The following CXCL2 variants were observed in gnomAD, a reference collection of about 807,000 sequenced individuals.
CXCL2 encodes the protein C-X-C motif chemokine 2.
In CXCL2, 12 loss-of-function variants were observed where a neutral mutation model predicts 11.2. That is an observed-to-expected ratio of 1.08 (90% CI 0.69 to 1.74). The LOEUF (loss-of-function observed/expected upper bound fraction) is 1.74. CXCL2 is among the 40% of genes most tolerant of loss of function. The probability of loss-of-function intolerance (pLI) is 0.00; values close to 1 mark genes in which losing one functional copy is unlikely to be tolerated. For missense variants in CXCL2, 120 were observed against 137.8 expected (o/e 0.87, Z 0.65); for synonymous variants, 68 against 61.9 (o/e 1.10, Z -0.47).
Position 74,098,825 on chromosome 4 carries a change from T to G in CXCL2, c.198A>C (p.Gly66=). The change falls in exon 2 of 4, where the codon GGA becomes GGC. Residue 66 remains glycine, a synonymous_variant. Transcript: ENST00000508487. ...TGACTTCGGTTTGGGCGCAGTGGGGTCCGGGGGACTTCACCTTCACACTTT... is the reference window on the plus strand; with the variant it reads ...TGACTTCGGTTTGGGCGCAGTGGGGGCCGGGGGACTTCACCTTCACACTTT... The part of the protein sequence containing the change: ...NIQSVKVKSP[G]PHCAQTEVIA... 6.2e-7 allele frequency: 1 copy of G among 1,613,964 alleles called. No individual in the cohort carries two copies. Among genetic ancestry groups the G allele is most frequent in the Non-Finnish European group, 8.5e-7 (1 of 1,179,980 alleles).
chr4:74,097,724 C>G lies in CXCL2; in HGVS notation c.*32G>C, dbSNP rs1721310447. On this transcript the variant is annotated 3_prime_UTR_variant, in exon 4 of 4. Coordinates refer to ENST00000508487, the MANE Select transcript of CXCL2 (RefSeq NM_002089.4). ...GTAAGGGCAGGGCCTCCTTCAGGAA[C>G]AGCCACCAATAAGCTTCCTCCTTCC... 1 of 1,592,822 alleles carries G rather than the reference C, an allele frequency of 6.3e-7. No individual in the cohort carries two copies.
At position 74,097,920 on chromosome 4, in the gene CXCL2, G is replaced by A. The variant is rs545653854; in HGVS notation, c.309-149C>T. 17 of 761,368 alleles carry A rather than the reference G, an allele frequency of 2.2e-5. No individual in the cohort carries two copies. In the South Asian group the frequency reaches 5.6e-4, roughly 25 times the overall value. The allele number at this position is 761,368 out of a possible 1,614,324, so 47.2% of individuals were successfully genotyped here. Reference sequence around the variant, plus strand: ...CAAGTGGGTACTGCCTGTGACAGCTGTGCTGTGTGGCAAGGACCTCTAGGC... The same window carrying A: ...CAAGTGGGTACTGCCTGTGACAGCTATGCTGTGTGGCAAGGACCTCTAGGC... On this transcript the variant is annotated intron_variant, in intron 3 of 3. Coordinates refer to ENST00000508487, the MANE Select transcript of CXCL2 (RefSeq NM_002089.4).
intron 3 of CXCL2, 69 bp downstream of exon 3, chr4:74,098,532 T>G (rs1721328526): frequency 1.3e-6 from 2 of 1,512,122 alleles, no homozygotes; most frequent in South Asian, 2.3e-5. Flanking sequence ...ATTTACTTTT[T>G]AGGGGGCAGA....
rs1484829074 is a variant in CXCL2 at position 74,098,798 on chromosome 4, C to T, written c.224+1G>A. Reference sequence around the variant, plus strand: ...CAGCGGCAGCGATGGGCGAGACTTACATGACTTCGGTTTGGGCGCAGTGGG... The same window carrying T: ...CAGCGGCAGCGATGGGCGAGACTTATATGACTTCGGTTTGGGCGCAGTGGG... On this transcript the variant is annotated splice_donor_variant, in intron 2 of 3. Coordinates refer to ENST00000508487, the MANE Select transcript of CXCL2 (RefSeq NM_002089.4). LOFTEE classifies it high-confidence loss of function. 2 of 1,614,028 alleles carry T rather than the reference C, an allele frequency of 1.2e-6. No homozygotes were observed. The highest frequency in any genetic ancestry group is 2.2e-5 in the South Asian group (2 of 91,062).
At chr4:74,097,913 G>T in intron 3 of CXCL2, 142 bp from the exon 4 acceptor site, 1 of 822,812 alleles carries the variant, frequency 1.2e-6, no homozygotes, top group Non-Finnish European at 1.8e-6. Flanking sequence ...TACTGCCTGT[G>T]ACAGCTGTGC....
At chr4:74,098,563 A>G (rs987337193) in intron 3 of CXCL2, 38 bp downstream of exon 3, 9 of 1,603,498 alleles carry the variant, frequency 5.6e-6, no homozygotes, top group Non-Finnish European at 7.7e-6. Context: ...TCTGACCAAC[A>G]GCTCCAGTCG....
At chr4:74,097,882 C>G in intron 3 of CXCL2, 111 bp from the exon 4 acceptor site, 1 of 1,181,644 alleles carries the variant, frequency 8.5e-7, no homozygotes, top group African/African-American at 1.5e-5. Context: ...TGCAGTTTCC[C>G]CAGCCTGGCA....
chr4:74,098,445 A>G (rs2109775826), intron 3 of CXCL2, 156 bp downstream of exon 3: 2 of 779,112 alleles, frequency 2.6e-6, no homozygotes, highest in Non-Finnish European at 4.0e-6. Flanking sequence ...TGGCACCAGA[A>G]CAGATTAATA....
rs559300363 is a variant in CXCL2 at position 74,097,680 on chromosome 4, T to C, written c.*76A>G. The stretch of plus-strand genomic sequence containing the variant: ...CAGGTGGCCTCTGCAGCTGTGTCTC[T>C]CTTTCCTCTTCTGTTCCTGTAAGGG... On this transcript the variant is annotated 3_prime_UTR_variant, in exon 4 of 4. Transcript: ENST00000508487. The C allele has an allele frequency of 1.2e-4, 172 of 1,467,566 alleles. 1 individual carries two copies. In the East Asian group the frequency reaches 3.9e-3, roughly 33 times the overall value. The allele number at this position is 1,467,566 out of a possible 1,614,324, so 90.9% of individuals were successfully genotyped here. A position where few individuals can be genotyped will look rare whatever the true frequency, so the allele number is the denominator to read the frequency against.
chr4:74,098,463 T>C (rs1156262068), intron 3 of CXCL2, 138 bp downstream of exon 3: 17 of 916,682 alleles, frequency 1.9e-5, no homozygotes, highest in East Asian at 2.7e-5. Context: ...ATAACCTTAA[T>C]GGCAACTTTG....
rs773261820 is a variant in CXCL2, at chr4:74,099,107, G to A, written c.14C>T (p.Thr5Met). ...GGGATTGCTGGGGGCGGCGGAGAGC[G>A]TGGCGCGGGCCATGGGGCTCAGCAG... MARA[T>M]LSAAPSNPRL... The change falls in exon 1 of 4, where the codon ACG becomes ATG. Residue 5 changes from threonine to methionine, a missense_variant. Transcript: ENST00000508487. The A allele has an allele frequency of 2.8e-5, 42 of 1,495,898 alleles. No homozygotes were observed. Among genetic ancestry groups the A allele is most frequent in the Non-Finnish European group, 3.6e-5 (41 of 1,124,632 alleles). 92.7% of individuals were successfully genotyped at this position (1,495,898 alleles called of 1,614,324 possible).
intron 1 of CXCL2, 26 bp downstream of exon 1, chr4:74,098,994 CG>C (rs779690676): frequency 2.6e-6 from 4 of 1,558,282 alleles, no homozygotes; most frequent in Non-Finnish European, 3.5e-6. Flanking sequence ...GCGTCCGGCC[CG>C]GGGACCCCAG....
Position 74,098,700 on chromosome 4 carries a change from A to T in CXCL2, c.225-16T>A. 2 of 1,614,018 alleles carry T rather than the reference A, an allele frequency of 1.2e-6. No homozygotes were observed. Among genetic ancestry groups the T allele is most frequent in the Non-Finnish European group, 1.7e-6 (2 of 1,179,960 alleles). ...GAGTGTGGCTCTGCAGAGAGAAGGGAATCTCGTGAGACAGGAGGTCGGGCT... is the reference window on the plus strand; with the variant it reads ...GAGTGTGGCTCTGCAGAGAGAAGGGTATCTCGTGAGACAGGAGGTCGGGCT... On this transcript the variant is annotated splice_polypyrimidine_tract_variant and intron_variant, in intron 2 of 3. Coordinates refer to ENST00000508487, the MANE Select transcript of CXCL2 (RefSeq NM_002089.4).
At chr4:74,097,942 A>G (rs1221995205) in intron 3 of CXCL2, among the ~76,000 whole-genome samples, 171 bp from the exon 4 acceptor site, 1 of 152,192 alleles carries the variant, frequency 6.6e-6, no homozygotes, top group African/African-American at 2.4e-5. Flanking sequence ...AAGGACCTCT[A>G]GGCTTGGGAT....
At position 74,098,827 on chromosome 4, in the gene CXCL2, C is replaced by T. The variant is rs1343974991; in HGVS notation, c.196G>A (p.Gly66Arg). 1.4e-5 allele frequency: 23 copies of T among 1,614,096 alleles called. No individual in the cohort carries two copies. Among genetic ancestry groups the T allele is most frequent in the Non-Finnish European group, 1.9e-5 (22 of 1,179,996 alleles). ...NIQSVKVKSPGPHCAQTEVIA... is the reference protein window; with the variant it reads ...NIQSVKVKSPRPHCAQTEVIA... ...ACTTCGGTTTGGGCGCAGTGGGGTC[C>T]GGGGGACTTCACCTTCACACTTTGG... Residue 66 changes from glycine (G) to arginine (R), a missense_variant, in exon 2 of 4, where the codon GGA becomes AGA. Transcript: ENST00000508487.
At position 74,099,151 on chromosome 4, in the gene CXCL2, C is replaced by G. The variant is rs2109776378; in HGVS notation, c.-31G>C. The G allele has an allele frequency of 2.7e-6, 4 of 1,465,250 alleles. No homozygotes were observed. In the East Asian group the frequency reaches 9.0e-5, roughly 33 times the overall value. 90.8% of individuals were successfully genotyped at this position (1,465,250 alleles called of 1,614,324 possible). A position where few individuals can be genotyped will look rare whatever the true frequency, so the allele number is the denominator to read the frequency against. ...TCAGCAGGCGGTTCGAGCGGCTGTG[C>G]GAGGAGGAGAGCTGGCAAGGAGCTG... On this transcript the variant is annotated 5_prime_UTR_variant, in exon 1 of 4. Coordinates refer to ENST00000508487, the MANE Select transcript of CXCL2 (RefSeq NM_002089.4).
chr4:74,098,761 C>T, intron 2 of CXCL2, 38 bp downstream of exon 2: 2 of 1,613,450 alleles, frequency 1.2e-6, no homozygotes, highest in Non-Finnish European at 1.7e-6. Context: ...GAGTCGGGGA[C>T]CCCAGCAGTG....
At position 74,098,618 on chromosome 4, in the gene CXCL2, G is replaced by A. The variant is rs1174309581; in HGVS notation, c.291C>T (p.Ile97=). The A allele has an allele frequency of 6.2e-7, 1 of 1,613,916 alleles. No homozygotes were observed. Among genetic ancestry groups the A allele is most frequent in the African/African-American group, 1.3e-5 (1 of 74,912 alleles). ...TAACTTACTTTTTCAGCATCTTTTCGATGATTTTCTTAACCATGGGCGATG... is the reference window on the plus strand; with the variant it reads ...TAACTTACTTTTTCAGCATCTTTTCAATGATTTTCTTAACCATGGGCGATG... ...NPASPMVKKI[I]EKMLKNGKSN is the part of the protein sequence containing the mutation. Residue 97 remains isoleucine, a synonymous_variant, in exon 3 of 4, where the codon ATC becomes ATT. Transcript: ENST00000508487.
intron 3 of CXCL2, 69 bp downstream of exon 3, chr4:74,098,532 T>C (rs1721328526): frequency 1.3e-6 from 2 of 1,512,122 alleles, no homozygotes; most frequent in African/African-American, 1.4e-5. Context: ...ATTTACTTTT[T>C]AGGGGGCAGA....
Sources: gnomAD v4.1 joint callset for allele counts (sites outside exome capture counted in the v4.1 genomes callset) on GRCh38, gnomAD v4.1.1 for gene constraint, MANE v1.5 for transcripts, NCBI Gene and HGNC (gene_info 2026-07-23, HGNC 2026-07-21) for gene names.